Variants in SAMD4B observed in about 807,000 individuals in gnomAD.
SAMD4B encodes the protein sterile alpha motif domain containing 4B.
In SAMD4B, 5 loss-of-function variants were observed where a neutral mutation model predicts 74.5. The observed-to-expected ratio is 0.07, with a 90% confidence interval of 0.04 to 0.14. The LOEUF (loss-of-function observed/expected upper bound fraction) is 0.14. SAMD4B is among the 10% of genes least tolerant of loss of function. SAMD4B has a pLI of 1.00. For missense variants in SAMD4B, 608 were observed against 921.8 expected (o/e 0.66, Z 4.41); for synonymous variants, 373 against 374.9 (o/e 1.00, Z 0.06).
intron 3 of SAMD4B, among the ~76,000 whole-genome samples, chr19:39,361,781 G>A (rs62119695): frequency 4.2e-4 from 63 of 149,592 alleles, no homozygotes; most frequent in African/African-American, 1.3e-3. Context: ...AAAATTAACC[G>A]GACATGGTGG....
At chr19:39,389,980 G>A, downstream of SAMD4B, 1 of 1,141,970 alleles carries the variant, frequency 8.8e-7, no homozygotes, top group South Asian at 1.3e-5. This position sits in a 1 kb window ranked among gnomAD's most constrained non-coding sequence, Gnocchi z 5.3. Context: ...TACTGTGCTA[G>A]GCCCTGAGCA....
At chr19:39,390,425 C>G, downstream of SAMD4B, 3 of 787,878 alleles carry the variant, frequency 3.8e-6, 1 homozygote, top group South Asian at 4.7e-5. Flanking sequence ...TGGGGAGTGT[C>G]CAAATGCTTT....
chr19:39,345,911 C>A (rs1383129939), intron 1 of SAMD4B, among the ~76,000 whole-genome samples: 4 of 152,122 alleles, frequency 2.6e-5, no homozygotes, highest in Non-Finnish European at 5.9e-5. Flanking sequence ...TTTACTCCTG[C>A]CCTACTTGCT....
intron 3 of SAMD4B, among the ~76,000 whole-genome samples, chr19:39,367,449 A>G (rs1365427013): frequency 7.1e-6 from 1 of 141,722 alleles, no homozygotes; most frequent in African/African-American, 2.6e-5. Flanking sequence ...CATTATCTCC[A>G]TCTTCCACCC....
chr19:39,358,199 A>T (rs1415057099), intron 3 of SAMD4B, among the ~76,000 whole-genome samples: 4 of 152,166 alleles, frequency 2.6e-5, no homozygotes. Flanking sequence ...TGAACCCGGG[A>T]GGCGGAGGTT....
In SAMD4B at chr19:39,376,504, C is replaced by T; in HGVS notation, c.975C>T (p.Tyr325=). 2 of 1,613,636 alleles carry T rather than the reference C, an allele frequency of 1.2e-6. No homozygotes were observed. Among genetic ancestry groups the T allele is most frequent in the Non-Finnish European group, 1.7e-6 (2 of 1,180,014 alleles). The part of the protein sequence containing the change: ...KYAALFSQMS[Y]EEMMTLTEQH... ...CAGCCCTCTTCTCACAGATGAGCTACGAGGAGATGATGACACTGACTGAGC... is the reference window on the plus strand; with the variant it reads ...CAGCCCTCTTCTCACAGATGAGCTATGAGGAGATGATGACACTGACTGAGC... The change falls in exon 6 of 14, where the codon TAC becomes TAT. Residue 325 remains tyrosine, a synonymous_variant. Transcript: ENST00000610417.
intron 1 of SAMD4B, among the ~76,000 whole-genome samples, chr19:39,345,254 CCT>C (rs2075627201): frequency 6.6e-6 from 1 of 152,080 alleles, no homozygotes; most frequent in South Asian, 2.1e-4. Context: ...TTTCCTGTTT[CCT>C]AGGAATCCCC....
intron 2 of SAMD4B, among the ~76,000 whole-genome samples, chr19:39,356,121 A>G (rs554510018): frequency 1.3e-5 from 2 of 152,022 alleles, no homozygotes; most frequent in Non-Finnish European, 2.9e-5. Flanking sequence ...GGCTGGCTGC[A>G]TACCTGAGAT....
intron 2 of SAMD4B, among the ~76,000 whole-genome samples, chr19:39,354,556 G>A (rs1324872774): frequency 1.3e-5 from 2 of 152,144 alleles, no homozygotes; most frequent in African/African-American, 4.8e-5. Flanking sequence ...AGGCACTGTT[G>A]TAGGCACTGG....
intron 4 of SAMD4B, among the ~76,000 whole-genome samples, chr19:39,373,531 A>AGAG (rs1473321589): frequency 6.6e-6 from 1 of 150,536 alleles, no homozygotes; most frequent in African/African-American, 2.5e-5. Context: ...AGGCAGCAGC[A>AGAG]GAGGGGTACA....
intron 1 of SAMD4B, among the ~76,000 whole-genome samples, chr19:39,352,650 C>T (rs1294636381): frequency 1.3e-5 from 2 of 151,834 alleles, no homozygotes; most frequent in Non-Finnish European, 2.9e-5. Flanking sequence ...AAAGCCTGGC[C>T]TTGTAAGCAT....
At chr19:39,354,460 T>C (rs907972997) in intron 2 of SAMD4B, among the ~76,000 whole-genome samples, 15 of 152,222 alleles carry the variant, frequency 9.9e-5, no homozygotes, top group South Asian at 2.1e-4. Context: ...CCTAGGGCTA[T>C]AGAAATCCCA....
downstream of SAMD4B, chr19:39,388,705 A>AGT: frequency 6.2e-7 from 1 of 1,611,420 alleles, no homozygotes. Context: ...GTAGCAATGA[A>AGT]GTGTGAGGAC....
In SAMD4B at chr19:39,385,418, A is replaced by G; in HGVS notation, c.*1891A>G. 2.4e-6 allele frequency: 1 copy of G among 413,540 alleles called. No homozygotes were observed. Among genetic ancestry groups the G allele is most frequent in the Non-Finnish European group, 4.3e-6 (1 of 233,822 alleles). 25.6% of individuals were successfully genotyped at this position (413,540 alleles called of 1,614,324 possible). Reference sequence around the variant, plus strand: ...ACCGTCTCACACACACAGGGAGGCAAGAGCTGCCCCCCACCCCACCTGACA... The same window carrying G: ...ACCGTCTCACACACACAGGGAGGCAGGAGCTGCCCCCCACCCCACCTGACA... On this transcript the variant is annotated 3_prime_UTR_variant, in exon 14 of 14. Transcript: ENST00000610417.
At position 39,376,788 on chromosome 19, in the gene SAMD4B, G is replaced by A; in HGVS notation, c.1101G>A (p.Glu367=). ...GACAGAGCGTCCTCAAGTCCCTAGA[G>A]AAGGTGAGGACCTGGTTTCTGCATC... ...RERQSVLKSL[E]KDVLEGGNLR... Residue 367 remains glutamate, a synonymous_variant, in exon 7 of 14, where the codon GAG becomes GAA. Transcript: ENST00000610417. 1 of 1,613,954 alleles carries A rather than the reference G, an allele frequency of 6.2e-7. No individual in the cohort carries two copies. Among genetic ancestry groups the A allele is most frequent in the Non-Finnish European group, 8.5e-7 (1 of 1,179,830 alleles).
chr19:39,364,190 T>C (rs1170654298), intron 3 of SAMD4B, among the ~76,000 whole-genome samples: 2 of 152,234 alleles, frequency 1.3e-5, no homozygotes, highest in Non-Finnish European at 2.9e-5. Context: ...CCCCTGGCAG[T>C]ACCAGAGAAG....
chr19:39,370,494 T>C (rs1435337882), intron 4 of SAMD4B, among the ~76,000 whole-genome samples: 1 of 152,190 alleles, frequency 6.6e-6, no homozygotes, highest in African/African-American at 2.4e-5. Flanking sequence ...TAGAGCTTAA[T>C]GTTGAGCATG....
At chr19:39,390,045 AGTT>A (rs551828603), downstream of SAMD4B, 182 of 1,570,932 alleles carry the variant, frequency 1.2e-4, 1 homozygote, top group Non-Finnish European at 1.5e-4. Flanking sequence ...ATACCTGAGT[AGTT>A]TTCCCATTCC....
At chr19:39,388,038 G>C (rs1189718638), downstream of SAMD4B, among the ~76,000 whole-genome samples, 1 of 152,188 alleles carries the variant, frequency 6.6e-6, no homozygotes, top group Non-Finnish European at 1.5e-5. Context: ...CTACTCAGGA[G>C]GCTGAGGCAG....
Sources: gnomAD v4.1 joint callset for allele counts (sites outside exome capture counted in the v4.1 genomes callset) on GRCh38, gnomAD v4.1.1 for gene constraint, Gnocchi (gnomAD v3.1) non-coding constraint, MANE v1.5 for transcripts, NCBI Gene and HGNC (gene_info 2026-07-23, HGNC 2026-07-21) for gene names.